MAGI2: variants seen among roughly 807,000 people sequenced by gnomAD.
The protein encoded by MAGI2 is membrane-associated guanylate kinase, WW and PDZ domain-containing protein 2.
MAGI2 carries 35 observed loss-of-function variants against 133.3 expected under a neutral mutation model. The observed-to-expected ratio is 0.26, with a 90% confidence interval of 0.20 to 0.35. The LOEUF (loss-of-function observed/expected upper bound fraction) is 0.35, where lower values mean the gene tolerates loss of function less well. MAGI2 is among the 10% of genes least tolerant of loss of function. The pLI is 1.00. For synonymous variants in MAGI2, 729 were observed against 710.6 expected, an observed-to-expected ratio of 1.03 and a Z score of -0.41; for missense variants, 1,636 against 1,863.4, an observed-to-expected ratio of 0.88 and a Z score of 2.25.
chr7:78,742,903 C>A (rs188671855), intron 2 of MAGI2, among the ~76,000 whole-genome samples: 1 of 152,164 alleles, frequency 6.6e-6, no homozygotes, highest in Non-Finnish European at 1.5e-5. Flanking sequence ...TGGCCTCTGA[C>A]CAAACTAACC....
At chr7:78,093,159 A>AG (rs2151222205) in intron 20 of MAGI2, among the ~76,000 whole-genome samples, 2 of 150,006 alleles carry the variant, frequency 1.3e-5, no homozygotes, top group East Asian at 3.9e-4. Flanking sequence ...AAAAAAAAAA[A>AG]AAAGAAAGTA....
chr7:78,625,130 T>C (rs1042832103), intron 3 of MAGI2, among the ~76,000 whole-genome samples: 1 of 152,108 alleles, frequency 6.6e-6, no homozygotes, highest in Non-Finnish European at 1.5e-5. Flanking sequence ...TCTTAGTTTT[T>C]AACAAAAAAG....
intron 6 of MAGI2, among the ~76,000 whole-genome samples, chr7:78,451,142 T>C (rs1465715465): frequency 2.6e-5 from 4 of 152,058 alleles, no homozygotes; most frequent in Non-Finnish European, 5.9e-5. Context: ...ATCAGTTTAG[T>C]TCCCACTTGT....
rs959574212 is a variant in MAGI2 at position 78,209,608 on chromosome 7, A to C, written c.2048-8415T>G. Among the ~76,000 whole-genome samples the C allele has an allele frequency of 2.6e-5, 4 of 151,890 alleles. No individual in the cohort carries two copies. In the East Asian group the frequency reaches 5.8e-4, roughly 22 times the overall value. On this transcript the variant is annotated intron_variant, in intron 10 of 21. Coordinates refer to ENST00000354212, the MANE Select transcript of MAGI2 (RefSeq NM_012301.4). ...CCTTTCCTTTCCTTCCATACCACCA[A>C]ATTTCCGTCTTTTCTGTCTCCGAAA...
chr7:78,306,941 A>G (rs1798286001), intron 9 of MAGI2, among the ~76,000 whole-genome samples: 1 of 152,194 alleles, frequency 6.6e-6, no homozygotes, highest in Non-Finnish European at 1.5e-5. Context: ...AGAGAGACGC[A>G]TATGTCCAAT....
chr7:78,801,519 G>A (rs1788050881), intron 2 of MAGI2, among the ~76,000 whole-genome samples: 2 of 152,154 alleles, frequency 1.3e-5, no homozygotes, highest in Non-Finnish European at 2.9e-5. Flanking sequence ...ATGTGTGTCT[G>A]TATATGAAAG....
At chr7:78,107,670 T>C (rs1818834184) in intron 20 of MAGI2, among the ~76,000 whole-genome samples, 1 of 152,004 alleles carries the variant, frequency 6.6e-6, no homozygotes, top group Admixed American at 6.6e-5. Context: ...CTCAATCTCA[T>C]TATTTGTTAC....
chr7:79,234,765 T>C (rs1265058194), intron 1 of MAGI2, among the ~76,000 whole-genome samples: 3 of 150,804 alleles, frequency 2.0e-5, no homozygotes. Context: ...CAGAGTAATT[T>C]GATCGTCTGA....
chr7:78,192,472 A>G (rs930427981), intron 12 of MAGI2, among the ~76,000 whole-genome samples: 2 of 151,864 alleles, frequency 1.3e-5, no homozygotes, highest in Admixed American at 1.3e-4. Flanking sequence ...AAACATTTAC[A>G]TGAGAAAATA....
intron 1 of MAGI2, among the ~76,000 whole-genome samples, chr7:79,366,943 T>G (rs1021819552): frequency 1.3e-5 from 2 of 152,132 alleles, no homozygotes; most frequent in Non-Finnish European, 2.9e-5. Context: ...CAAAACTGCA[T>G]TTTATATGCT....
At chr7:78,077,681 G>A (rs904123377) in intron 21 of MAGI2, among the ~76,000 whole-genome samples, 13 of 146,124 alleles carry the variant, frequency 8.9e-5, no homozygotes, top group African/African-American at 3.0e-4. Context: ...TTTAGACAAT[G>A]TATGCAAAAA....
At chr7:78,699,283 T>C (rs1182703233) in intron 2 of MAGI2, among the ~76,000 whole-genome samples, 1 of 152,152 alleles carries the variant, frequency 6.6e-6, no homozygotes, top group African/African-American at 2.4e-5. Context: ...AAATTTTGTG[T>C]AGTGATAAGG....
rs75676300 is a variant in MAGI2, at chr7:79,440,571, C to A, written c.301+12449G>T. On this transcript the variant is annotated intron_variant, in intron 1 of 21. Transcript: ENST00000354212. ...CATGATGTATTCTCCAAGATTACTC[C>A]TTATCTTGGTAAAGATACTCCTTAT... Among the ~76,000 whole-genome samples the A allele has an allele frequency of 1.9e-3, 284 of 152,064 alleles. 7 individuals carry two copies. The East Asian group carries it at 0.05, about 27-fold the overall frequency.
At chr7:78,380,488 C>T (rs1412736939) in intron 6 of MAGI2, among the ~76,000 whole-genome samples, 1 of 152,030 alleles carries the variant, frequency 6.6e-6, no homozygotes, top group African/African-American at 2.4e-5. Context: ...TGAAACAAGC[C>T]AGGCACAGAA....
At chr7:78,454,789 G>A (rs1165610357) in intron 6 of MAGI2, among the ~76,000 whole-genome samples, 2 of 152,042 alleles carry the variant, frequency 1.3e-5, no homozygotes, top group Admixed American at 1.3e-4. Flanking sequence ...TACCTTAAAT[G>A]CCCACCACTA....
At position 78,332,317 on chromosome 7, in the gene MAGI2, C is replaced by T. The variant is rs777552046; in HGVS notation, c.1408+11461G>A. On this transcript the variant is annotated intron_variant, in intron 9 of 21. Transcript: ENST00000354212. ...ATGGTTTTAAGAATTGATGCAATGA[C>T]GTTGTTTTTAATCCCCAAGTGGTTG... Among the ~76,000 whole-genome samples, 4 of 152,294 alleles carry T rather than the reference C, an allele frequency of 2.6e-5. No homozygotes were observed. The South Asian group carries it at 6.2e-4, about 24-fold the overall frequency.
chr7:78,343,298 A>C (rs888840734), intron 9 of MAGI2, among the ~76,000 whole-genome samples: 1 of 152,336 alleles, frequency 6.6e-6, no homozygotes, highest in East Asian at 1.9e-4. Context: ...AAAGACTCAT[A>C]TATTAAAACA....
intron 3 of MAGI2, among the ~76,000 whole-genome samples, chr7:78,550,713 A>G (rs528974660): frequency 2.0e-5 from 3 of 152,026 alleles, no homozygotes; most frequent in African/African-American, 7.2e-5. Context: ...CCTCCATGCA[A>G]ACTCATGAGA....
At chr7:78,287,035 T>C (rs546103585) in intron 9 of MAGI2, among the ~76,000 whole-genome samples, 16 of 152,164 alleles carry the variant, frequency 1.1e-4, no homozygotes, top group Admixed American at 3.9e-4. Flanking sequence ...TAAGGAATTA[T>C]CTTTGTTTGT....
Sources: gnomAD v4.1 joint callset for allele counts (sites outside exome capture counted in the v4.1 genomes callset) on GRCh38, gnomAD v4.1.1 for gene constraint, MANE v1.5 for transcripts, NCBI Gene and HGNC (gene_info 2026-07-23, HGNC 2026-07-21) for gene names.